Variants in SLC25A48 observed in about 807,000 individuals in gnomAD.
SLC25A48 encodes CTC-321K16.1.
SLC25A48 carries 29 observed loss-of-function variants against 32.2 expected under a neutral mutation model. That is an observed-to-expected ratio of 0.90 (90% CI 0.67 to 1.23). The LOEUF (loss-of-function observed/expected upper bound fraction) is 1.23, where lower values mean the gene tolerates loss of function less well. SLC25A48 is among the 50% of genes most tolerant of loss of function. The pLI is 0.00. For synonymous variants in SLC25A48, 164 were observed against 172.3 expected (o/e 0.95, Z 0.38); for missense variants, 399 against 422.7 (o/e 0.94, Z 0.49).
chr5:135,808,317 A>G (rs1284816037), intron 3 of SLC25A48, among the ~76,000 whole-genome samples: 1 of 151,508 alleles, frequency 6.6e-6, no homozygotes, highest in African/African-American at 2.4e-5. Flanking sequence ...TATATGCTAT[A>G]TATCTATGAA....
At chr5:135,879,947 T>A in intron 6 of SLC25A48, 21 bp from the exon 7 acceptor site, 2 of 1,535,984 alleles carry the variant, frequency 1.3e-6, no homozygotes, top group Non-Finnish European at 1.7e-6. Context: ...TCCCCTGCAA[T>A]AACCTGGCCC....
At chr5:135,703,857 T>C (rs1298871990) in intron 3 of SLC25A48, among the ~76,000 whole-genome samples, 1 of 152,122 alleles carries the variant, frequency 6.6e-6, no homozygotes, top group African/African-American at 2.4e-5. Flanking sequence ...GCCTCACCCA[T>C]TAGCATCCTT....
chr5:135,850,466 C>A lies in SLC25A48; in HGVS notation c.132C>A (p.Ser44Arg), dbSNP rs1580985779. The stretch of plus-strand genomic sequence containing the variant: ...GCGTTGGCTACGGAAACACCCTCAG[C>A]TGCATCCGCGTGGTGTACAGGAGGG... ...QAGVGYGNTL[S>R]CIRVVYRRES... The change falls in exon 3 of 8, where the codon AGC (serine) becomes AGA (arginine). Residue 44 changes from serine (S) to arginine (R), a missense_variant. Ser to Arg is a moderately radical substitution (Grantham distance 110). Coordinates refer to ENST00000681962, the MANE Select transcript of SLC25A48 (RefSeq NM_001349336.2). The A allele has an allele frequency of 6.2e-7, 1 of 1,614,180 alleles. No homozygotes were observed. Among genetic ancestry groups the A allele is most frequent in the Non-Finnish European group, 8.5e-7 (1 of 1,180,036 alleles).
intron 1 of SLC25A48, among the ~76,000 whole-genome samples, chr5:135,597,351 C>T (rs1432960984): frequency 2.0e-5 from 3 of 152,158 alleles, no homozygotes; most frequent in Non-Finnish European, 4.4e-5. Flanking sequence ...GGAAGGTTCC[C>T]AGGACAATTC....
chr5:135,764,192 A>G (rs1050622257), intron 3 of SLC25A48, among the ~76,000 whole-genome samples: 15 of 151,826 alleles, frequency 9.9e-5, no homozygotes, highest in African/African-American at 3.6e-4. Flanking sequence ...TACATCCCCC[A>G]GTGATATGGT....
chr5:135,885,896 A>T (rs1323135606), intron 7 of SLC25A48, among the ~76,000 whole-genome samples: 2 of 152,224 alleles, frequency 1.3e-5, no homozygotes, highest in Non-Finnish European at 2.9e-5. Flanking sequence ...AAGTGCAGAA[A>T]TGGAGGGGCA....
chr5:135,699,587 G>T (rs547882762), intron 3 of SLC25A48, among the ~76,000 whole-genome samples: 13 of 152,328 alleles, frequency 8.5e-5, no homozygotes, highest in Non-Finnish European at 8.8e-5. Flanking sequence ...TGGAAATTGG[G>T]TCTGTACAAT....
intron 3 of SLC25A48, among the ~76,000 whole-genome samples, chr5:135,726,014 T>A (rs1314173395): frequency 6.6e-6 from 1 of 152,222 alleles, no homozygotes; most frequent in East Asian, 1.9e-4. Flanking sequence ...TGGTTGCTGA[T>A]GGACACTGAC....
intron 3 of SLC25A48, among the ~76,000 whole-genome samples, chr5:135,754,021 T>TA (rs141128493): frequency 0.043 from 6,503 of 151,656 alleles, 283 homozygotes; most frequent in African/African-American, 0.11. Flanking sequence ...CACCCACTGT[T>TA]ACACCAGCAG....
At chr5:135,714,241 G>A (rs917060606) in intron 3 of SLC25A48, among the ~76,000 whole-genome samples, 1 of 152,212 alleles carries the variant, frequency 6.6e-6, no homozygotes, top group Non-Finnish European at 1.5e-5. Context: ...GGGCAGGGAG[G>A]TCTGAGTGCG....
At chr5:135,786,019 G>A (rs1010064659) in intron 3 of SLC25A48, among the ~76,000 whole-genome samples, 1 of 151,524 alleles carries the variant, frequency 6.6e-6, no homozygotes, top group African/African-American at 2.4e-5. Flanking sequence ...CAGTGGGGGA[G>A]ACGGTGGTAT....
chr5:135,699,374 T>A (rs759464095), intron 3 of SLC25A48, among the ~76,000 whole-genome samples: 1 of 147,664 alleles, frequency 6.8e-6, no homozygotes, highest in Admixed American at 6.9e-5. Flanking sequence ...TGCAACAATA[T>A]GGATGAATCC....
At chr5:135,884,275 A>G (rs1330106781) in intron 7 of SLC25A48, among the ~76,000 whole-genome samples, 3 of 152,214 alleles carry the variant, frequency 2.0e-5, no homozygotes, top group African/African-American at 7.2e-5. Context: ...TCTATGGTGC[A>G]AAAGAGTTGA....
intron 3 of SLC25A48, among the ~76,000 whole-genome samples, chr5:135,805,395 A>G (rs1219212699): frequency 6.6e-6 from 1 of 151,586 alleles, no homozygotes; most frequent in Non-Finnish European, 1.5e-5. Flanking sequence ...ACCCTGAAAT[A>G]TTATTTATAA....
chr5:135,736,702 A>ACATGCTT (rs1755369165), intron 3 of SLC25A48, among the ~76,000 whole-genome samples: 1 of 152,180 alleles, frequency 6.6e-6, no homozygotes, highest in Non-Finnish European at 1.5e-5. Context: ...ACATGGGTGA[A>ACATGCTT]TAATAAAGCA....
chr5:135,665,983 C>A (rs976010111), intron 3 of SLC25A48, among the ~76,000 whole-genome samples: 1 of 152,134 alleles, frequency 6.6e-6, no homozygotes, highest in East Asian at 1.9e-4. Flanking sequence ...TCCTTGAAGA[C>A]TTGCCTTAAA....
chr5:135,601,955 A>G lies in SLC25A48; in HGVS notation c.-849+22358A>G, dbSNP rs575568490. Among the ~76,000 whole-genome samples the G allele has an allele frequency of 1.1e-4, 16 of 152,342 alleles. No homozygotes were observed. The South Asian group carries it at 3.3e-3, about 32-fold the overall frequency. ...AACAATGTCTACTGCACAGGTTTAT[A>G]GTGAGGAATAACTTCAATGTTAATC... On this transcript the variant is annotated intron_variant, in intron 1 of 10. Coordinates refer to the SLC25A48 transcript ENST00000646290.
rs192735946 is a variant in SLC25A48, at chr5:135,783,834, C to T, written c.-520-28689C>T. Among the ~76,000 whole-genome samples, 566 of 118,446 alleles carry T rather than the reference C, an allele frequency of 4.8e-3. 170 individuals are homozygous for T. Among genetic ancestry groups the T allele is most frequent in the Admixed American group, 8.2e-3 (96 of 11,652 alleles). The allele number at this position is 118,446 out of a possible 152,430, so 77.7% of individuals were successfully genotyped here. A position where few individuals can be genotyped will look rare whatever the true frequency, so the allele number is the denominator to read the frequency against. On this transcript the variant is annotated intron_variant, in intron 3 of 10. Coordinates refer to the SLC25A48 transcript ENST00000646290. ...ATACAGGAGAAGAATATATTAATTC[C>T]AATATCGCTGGGAGCGAACACTTTC...
At chr5:135,796,012 G>GGA (rs1554075752) in intron 3 of SLC25A48, among the ~76,000 whole-genome samples, 1 of 139,174 alleles carries the variant, frequency 7.2e-6, no homozygotes, top group Non-Finnish European at 1.6e-5. Flanking sequence ...TATCGCGAGG[G>GGA]GGGGGTGGGT....
Sources: gnomAD v4.1 joint callset for allele counts (sites outside exome capture counted in the v4.1 genomes callset) on GRCh38, gnomAD v4.1.1 for gene constraint, MANE v1.5 for transcripts, NCBI Gene and HGNC (gene_info 2026-07-23, HGNC 2026-07-21) for gene names.